KLHL17: variants seen among roughly 807,000 people sequenced by gnomAD.
KLHL17 encodes the protein kelch-like protein 17.
Under a neutral mutation model 64.6 loss-of-function variants are expected in KLHL17, and 71 were observed. The ratio of observed to expected loss-of-function variants is 1.10; its 90% CI spans 0.91 to 1.34. The LOEUF (loss-of-function observed/expected upper bound fraction) is 1.34, where lower values mean the gene tolerates loss of function less well. Ranked by LOEUF, KLHL17 falls within the 40% of genes most tolerant of loss-of-function variation. KLHL17 has a pLI of 0.00. For missense variants in KLHL17, 1,140 were observed against 935.0 expected, an observed-to-expected ratio of 1.22 and a Z score of -2.86; for synonymous variants, 612 against 405.4, an observed-to-expected ratio of 1.51 and a Z score of -6.12.
intron 8 of KLHL17, 63 bp from the exon 9 acceptor site, chr1:963,857 G>A (rs1642766554): frequency 1.9e-6 from 3 of 1,539,870 alleles, no homozygotes; most frequent in Non-Finnish European, 9.0e-7. Context: ...GGGAGGGCAG[G>A]TCCTGGGGCC....
At chr1:963,543 A>G (rs903674267) in intron 8 of KLHL17, 39 bp downstream of exon 8, 8 of 1,561,092 alleles carry the variant, frequency 5.1e-6, no homozygotes, top group Non-Finnish European at 6.1e-6. Context: ...TGTACAGTCC[A>G]TCTGCAAGAG....
rs757111315 is a variant in KLHL17, at chr1:964,547, CGGGGAGGGGGG to C, written c.1700+18_1700+28del. ...TATCCGCAGGTCCGCAGTGGGGCTGCGGGGAGGGGGGCGCGGGTCCGCAGTGGGGCTGTGGG... is the reference window on the plus strand; with the variant it reads ...TATCCGCAGGTCCGCAGTGGGGCTGCCGCGGGTCCGCAGTGGGGCTGTGGG... On this transcript the variant is annotated intron_variant, in intron 11 of 11. Transcript: ENST00000338591. 3.1e-5 allele frequency: 43 copies of C among 1,381,482 alleles called. 9 individuals carry two copies. In the African/African-American group the frequency reaches 4.4e-4, roughly 14 times the overall value. 85.6% of individuals were successfully genotyped at this position (1,381,482 alleles called of 1,614,324 possible). A position where few individuals can be genotyped will look rare whatever the true frequency, so the allele number is the denominator to read the frequency against.
rs748026847 is a variant in KLHL17 at position 962,447 on chromosome 1, C to A, written c.804C>A (p.Asp268Glu). The A allele has an allele frequency of 6.2e-7, 1 of 1,612,702 alleles. No homozygotes were observed. The highest frequency in any genetic ancestry group is 8.5e-7 in the Non-Finnish European group (1 of 1,179,912). ...AVLSWVKHDV[D>E]ARRQHVPRLM... ...TGAGCTGGGTGAAACACGACGTGGA[C>A]GCCCGCAGGCAGCATGTCCCACGGG... The change falls in exon 5 of 12, where the codon GAC (aspartate) becomes GAA (glutamate). Residue 268 changes from aspartate (D) to glutamate (E), a missense_variant. Coordinates refer to ENST00000338591, the MANE Select transcript of KLHL17 (RefSeq NM_198317.3).
Position 964,510 on chromosome 1 carries a change from G to A in KLHL17, c.1680G>A (p.Val560=). Residue 560 remains valine (V), a synonymous_variant, in exon 11 of 12, where the codon GTG becomes GTA. Coordinates refer to ENST00000338591, the MANE Select transcript of KLHL17 (RefSeq NM_198317.3). ...YSPKAGAWES[V]APMNIRRSTH... is the part of the protein sequence containing the mutation. ...CAAAGGCTGGAGCCTGGGAAAGCGT[G>A]GCGCCCATGAATATCCGCAGGTCCG... 1 of 1,523,534 alleles carries A rather than the reference G, an allele frequency of 6.6e-7. No homozygotes were observed. Among genetic ancestry groups the A allele is most frequent in the Non-Finnish European group, 8.8e-7 (1 of 1,130,680 alleles). 94.4% of individuals were successfully genotyped at this position (1,523,534 alleles called of 1,614,324 possible).
In KLHL17 at chr1:961,411, C is replaced by T. The variant is rs765031759; in HGVS notation, c.226C>T (p.His76Tyr). Residue 76 changes from histidine (H) to tyrosine (Y), a missense_variant, in exon 2 of 12, where the codon CAC becomes TAC. Physicochemically the swap from His to Tyr is moderately conservative, Grantham distance 83 (BLOSUM62 2). Coordinates refer to ENST00000338591, the MANE Select transcript of KLHL17 (RefSeq NM_198317.3). ...GGCCCACAACTCCAAGCGGCACTACCACGATGCCTTCGTGGCCATGAGCCG... is the reference window on the plus strand; with the variant it reads ...GGCCCACAACTCCAAGCGGCACTACTACGATGCCTTCGTGGCCATGAGCCG... ...SVAHNSKRHY[H>Y]DAFVAMSRMR... 10 of 1,611,214 alleles carry T rather than the reference C, an allele frequency of 6.2e-6. No individual in the cohort carries two copies. Among genetic ancestry groups the T allele is most frequent in the African/African-American group, 5.3e-5 (4 of 74,932 alleles).
chr1:964,542 G>GATGT lies in KLHL17; in HGVS notation c.1700+12_1700+13insATGT. 1 of 1,475,184 alleles carries GATGT rather than the reference G, an allele frequency of 6.8e-7. No individual in the cohort carries two copies. The allele number at this position is 1,475,184 out of a possible 1,614,324, so 91.4% of individuals were successfully genotyped here. On this transcript the variant is annotated intron_variant, in intron 11 of 11. Coordinates refer to ENST00000338591, the MANE Select transcript of KLHL17 (RefSeq NM_198317.3). ...ATGAATATCCGCAGGTCCGCAGTGG[G>GATGT]GCTGCGGGGAGGGGGGCGCGGGTCC...
chr1:962,133 A>T, intron 4 of KLHL17, 86 bp downstream of exon 4: 1 of 1,282,032 alleles, frequency 7.8e-7, no homozygotes, highest in Non-Finnish European at 1.1e-6. Flanking sequence ...TTTGTTCCTG[A>T]CACAGCCCTG....
Position 965,592 on chromosome 1 carries a change from T to G in KLHL17, c.*401T>G, listed in dbSNP as rs9697711. On this transcript the variant is annotated 3_prime_UTR_variant, in exon 12 of 12. Transcript: ENST00000338591. Reference sequence around the variant, plus strand: ...GGGTCCCGGGAAGGGTGGGGAGCAGTTGTCCTTCCTGTCGTCGTCTGCCGT... The same window carrying G: ...GGGTCCCGGGAAGGGTGGGGAGCAGGTGTCCTTCCTGTCGTCGTCTGCCGT... 222,407 of 236,458 alleles carry G rather than the reference T, an allele frequency of 0.94. 104,636 individuals are homozygous for G. Among genetic ancestry groups the G allele is most frequent in the Non-Finnish European group, 0.95 (114,616 of 121,256 alleles). The allele number at this position is 236,458 out of a possible 1,614,324, so 14.6% of individuals were successfully genotyped here.
rs758191447 is a variant in KLHL17 at position 962,765 on chromosome 1, C to G, written c.890C>G (p.Ala297Gly). ...GACTTCCTGCTGGGCCACGTGGATG[C>G]CGAGAGCCTGGTGAGGCACCACCCT... ...SRDFLLGHVD[A>G]ESLVRHHPDC... Residue 297 changes from alanine (A) to glycine (G), a missense_variant, in exon 6 of 12, where the codon GCC (alanine) becomes GGC (glycine). By Grantham distance (60) the Ala-to-Gly change is moderately conservative. Transcript: ENST00000338591. 1.9e-6 allele frequency: 3 copies of G among 1,610,962 alleles called. No homozygotes were observed. In the African/African-American group the frequency reaches 4.0e-5, roughly 22 times the overall value.
Position 960,788 on chromosome 1 carries a change from C to T in KLHL17, c.95C>T (p.Pro32Leu). 1 of 1,074,988 alleles carries T rather than the reference C, an allele frequency of 9.3e-7. No individual in the cohort carries two copies. Among genetic ancestry groups the T allele is most frequent in the Non-Finnish European group, 1.1e-6 (1 of 886,512 alleles). 66.6% of individuals were successfully genotyped at this position (1,074,988 alleles called of 1,614,324 possible). ...PGPEAPPPPP[P>L]QPPAPEAERT... is the part of the protein sequence containing the mutation. ...CCCGAGGCGCCGCCGCCTCCACCGC[C>T]GCAGCCGCCGGCGTGAGTGGGCGGG... The change falls in exon 1 of 12, where the codon CCG (proline) becomes CTG (leucine). Residue 32 changes from proline (P) to leucine (L), a missense_variant. Pro to Leu is a moderately conservative substitution (Grantham distance 98, BLOSUM62 -3). Transcript: ENST00000338591.
intron 10 of KLHL17, 47 bp from the exon 11 acceptor site, chr1:964,302 G>C: frequency 8.2e-6 from 13 of 1,580,504 alleles, no homozygotes; most frequent in Non-Finnish European, 1.1e-5. Context: ...CGGCAGAGGA[G>C]GGATGCCAGT....
At position 961,958 on chromosome 1, in the gene KLHL17, G is replaced by A. The variant is rs1642674133; in HGVS notation, c.622G>A (p.Asp208Asn). 1 of 1,612,902 alleles carries A rather than the reference G, an allele frequency of 6.2e-7. No homozygotes were observed. ...CTTTGCCGATGCGCACTCCTGCAGC[G>A]ACCTGCTCAAGGCCGCCCACAGGTA... is the stretch of plus-strand genomic sequence containing the variant. ...RGFADAHSCS[D>N]LLKAAHRYVL... The change falls in exon 4 of 12, where the codon GAC becomes AAC. Residue 208 changes from aspartate (D) to asparagine (N), a missense_variant. Physicochemically the swap from Asp to Asn is conservative, Grantham distance 23. Transcript: ENST00000338591.
intron 8 of KLHL17, 197 bp downstream of exon 8, chr1:963,701 A>AC (rs1270119722): frequency 2.4e-6 from 2 of 820,384 alleles, no homozygotes; most frequent in East Asian, 2.7e-5. Context: ...TCGGGTCCTT[A>AC]CCCCCAGTCC....
Position 964,403 on chromosome 1 carries a change from G to A in KLHL17, c.1573G>A (p.Val525Met), listed in dbSNP as rs1191165125. The A allele has an allele frequency of 5.8e-6, 9 of 1,556,368 alleles. No homozygotes were observed. Among genetic ancestry groups the A allele is most frequent in the Admixed American group, 1.9e-5 (1 of 51,816 alleles). ...GCTGAGCCGACGCAGCTCAGCGGGC[G>A]TGGCCGTGCTGGAGGGTGCCCTGTA... ...SMLSRRSSAG[V>M]AVLEGALYVA... Residue 525 changes from valine to methionine, a missense_variant, in exon 11 of 12, where the codon GTG (valine) becomes ATG (methionine). Physicochemically the swap from Val to Met is conservative, Grantham distance 21. Transcript: ENST00000338591.
In KLHL17 at chr1:965,641, A is replaced by G; in HGVS notation, c.*450A>G. On this transcript the variant is annotated 3_prime_UTR_variant, in exon 12 of 12. Coordinates refer to ENST00000338591, the MANE Select transcript of KLHL17 (RefSeq NM_198317.3). ...GTGTGCCATCTTTCCTGGATCTTGT[A>G]GTGGGTGCACACGCGTGCACTGGGA... 5.1e-6 allele frequency: 1 copy of G among 195,482 alleles called. No homozygotes were observed. Among genetic ancestry groups the G allele is most frequent in the Non-Finnish European group, 1.0e-5 (1 of 95,624 alleles). The allele number at this position is 195,482 out of a possible 1,614,324, so 12.1% of individuals were successfully genotyped here.
chr1:963,276 G>T (rs956515294), intron 7 of KLHL17, 23 bp downstream of exon 7: 2 of 1,599,084 alleles, frequency 1.3e-6, no homozygotes, highest in Non-Finnish European at 1.7e-6. Context: ...GCTGGACTTG[G>T]GTCGGGTCTG....
chr1:961,208 C>T, intron 1 of KLHL17, 85 bp from the exon 2 acceptor site: 1 of 1,059,486 alleles, frequency 9.4e-7, no homozygotes, highest in Non-Finnish European at 1.2e-6. Context: ...GGCTGGGTCC[C>T]CGCGGGCTGC....
At position 960,716 on chromosome 1, in the gene KLHL17, C is replaced by A; in HGVS notation, c.23C>A (p.Pro8Gln). MQPRSER[P>Q]AGRTQSPEHG... ...CGAATGCAGCCCCGCAGCGAGCGCC[C>A]GGCCGGCAGGACGCAGAGCCCGGAG... is the stretch of plus-strand genomic sequence containing the variant. The change falls in exon 1 of 12, where the codon CCG becomes CAG. Residue 8 changes from proline (P) to glutamine (Q), a missense_variant. Coordinates refer to ENST00000338591, the MANE Select transcript of KLHL17 (RefSeq NM_198317.3). The A allele has an allele frequency of 7.4e-7, 1 of 1,343,768 alleles. No homozygotes were observed. Among genetic ancestry groups the A allele is most frequent in the South Asian group, 1.5e-5 (1 of 65,356 alleles). The allele number at this position is 1,343,768 out of a possible 1,614,324, so 83.2% of individuals were successfully genotyped here. A position where few individuals can be genotyped will look rare whatever the true frequency, so the allele number is the denominator to read the frequency against.
At chr1:962,282 C>T (rs1447548359) in intron 4 of KLHL17, 73 bp from the exon 5 acceptor site, 18 of 1,607,292 alleles carry the variant, frequency 1.1e-5, no homozygotes, top group African/African-American at 1.3e-5. Flanking sequence ...ACCCTCCCTC[C>T]TAGGCATCTT....
Sources: allele counts gnomAD v4.1 joint callset, GRCh38; gene constraint gnomAD v4.1.1; transcripts MANE v1.5; gene names NCBI Gene and HGNC (gene_info 2026-07-23, HGNC 2026-07-21).